OSTN: variants seen among roughly 807,000 people sequenced by gnomAD.
The protein encoded by OSTN is osteocrin.
Under a neutral mutation model 12.0 loss-of-function variants are expected in OSTN, and 9 were observed. The observed-to-expected ratio is 0.75, with a 90% CI of 0.45 to 1.30. The LOEUF is 1.30. Ranked by LOEUF, OSTN falls within the 50% of genes most tolerant of loss-of-function variation. The probability of loss-of-function intolerance (pLI) is 0.00; values close to 1 mark genes in which losing one functional copy is unlikely to be tolerated. For missense variants in OSTN, 148 were observed against 152.3 expected, an observed-to-expected ratio of 0.97 and a Z score of 0.15; for synonymous variants, 59 against 56.9, an observed-to-expected ratio of 1.04 and a Z score of -0.16.
chr3:191,243,827 T>C (rs1715372877), intron 3 of OSTN, among the ~76,000 whole-genome samples: 1 of 152,158 alleles, frequency 6.6e-6, no homozygotes, highest in Non-Finnish European at 1.5e-5. Flanking sequence ...ATAGTCACAA[T>C]GCTGTACATT....
At chr3:191,209,597 G>A (rs747821720) in intron 1 of OSTN, among the ~76,000 whole-genome samples, 9 of 152,176 alleles carry the variant, frequency 5.9e-5, no homozygotes, top group Non-Finnish European at 1.3e-4. Flanking sequence ...AACATTGCAT[G>A]TCAAAATTAT....
chr3:191,254,022 G>GA (rs1409851169), intron 4 of OSTN, among the ~76,000 whole-genome samples: 1 of 152,126 alleles, frequency 6.6e-6, no homozygotes, highest in Admixed American at 6.5e-5. Context: ...GGGATAAACA[G>GA]AAAAAAGTAA....
intron 1 of OSTN, among the ~76,000 whole-genome samples, chr3:191,208,176 C>T (rs1489471999): frequency 6.6e-6 from 1 of 152,142 alleles, no homozygotes; most frequent in East Asian, 1.9e-4. Context: ...TACTTTGGTG[C>T]ATTCACGCAA....
chr3:191,238,394 C>T (rs1715248894), intron 3 of OSTN, among the ~76,000 whole-genome samples: 2 of 152,086 alleles, frequency 1.3e-5, no homozygotes, highest in Non-Finnish European at 2.9e-5. Flanking sequence ...TTGTGAGGCT[C>T]TGATTAGCCT....
Position 191,265,183 on chromosome 3 carries a change from G to A in OSTN, c.*2330G>A, listed in dbSNP as rs1296541529. ...AAGTCATCTCACTTATTTATCCAAT[G>A]CATTAGGTATTACTAATCCAACTAT... On this transcript the variant is annotated 3_prime_UTR_variant, in exon 5 of 5. Coordinates refer to ENST00000682035, the MANE Select transcript of OSTN (RefSeq NM_198184.2). The A allele has an allele frequency of 6.6e-6, 1 of 152,076 alleles. No individual in the cohort carries two copies. Among genetic ancestry groups the A allele is most frequent in the Non-Finnish European group, 1.5e-5 (1 of 67,988 alleles). 9.4% of individuals were successfully genotyped at this position (152,076 alleles called of 1,614,324 possible).
At position 191,221,075 on chromosome 3, in the gene OSTN, T is replaced by C. The variant is rs1714750184; in HGVS notation, c.317+2114T>C. Reference sequence around the variant, plus strand: ...ATAGTCAGTGAGTTCTCACGAGATCTGATGGCTTTATAAGAGGCGTTCTCC... The same window carrying C: ...ATAGTCAGTGAGTTCTCACGAGATCCGATGGCTTTATAAGAGGCGTTCTCC... On this transcript the variant is annotated intron_variant, in intron 3 of 4. Coordinates refer to ENST00000682035, the MANE Select transcript of OSTN (RefSeq NM_198184.2). Among the ~76,000 whole-genome samples, 3 of 152,296 alleles carry C rather than the reference T, an allele frequency of 2.0e-5. 1 individual carries two copies. Among genetic ancestry groups the C allele is most frequent in the South Asian group, 4.1e-4 (2 of 4,826 alleles).
intron 3 of OSTN, among the ~76,000 whole-genome samples, chr3:191,224,160 C>T (rs1475560196): frequency 1.3e-5 from 2 of 151,946 alleles, no homozygotes; most frequent in Non-Finnish European, 2.9e-5. Flanking sequence ...GGCAGATCAC[C>T]TGAGGTCGGG....
intron 1 of OSTN, among the ~76,000 whole-genome samples, chr3:191,209,678 T>G (rs1714369429): frequency 6.6e-6 from 1 of 152,234 alleles, no homozygotes; most frequent in South Asian, 2.1e-4. Context: ...CTGACATAGT[T>G]AATACAAATA....
At chr3:191,241,331 C>G (rs1214903730) in intron 3 of OSTN, among the ~76,000 whole-genome samples, 1 of 151,786 alleles carries the variant, frequency 6.6e-6, no homozygotes, top group Non-Finnish European at 1.5e-5. Flanking sequence ...TACAGGCGCT[C>G]GCCAGCACGC....
intron 4 of OSTN, among the ~76,000 whole-genome samples, chr3:191,251,264 T>C (rs1468605378): frequency 2.0e-5 from 3 of 152,246 alleles, no homozygotes; most frequent in African/African-American, 7.2e-5. Flanking sequence ...TGAGTGGGTA[T>C]GTTAAACACA....
intron 3 of OSTN, among the ~76,000 whole-genome samples, chr3:191,230,562 CAAAAA>C (rs35542147): frequency 1.1e-4 from 4 of 36,446 alleles, no homozygotes; most frequent in African/African-American, 3.0e-4. Context: ...GACTCCGTCT[CAAAAA>C]AAAAAAAAAA....
chr3:191,237,850 G>A (rs1028614551), intron 3 of OSTN, among the ~76,000 whole-genome samples: 1 of 152,120 alleles, frequency 6.6e-6, no homozygotes. Context: ...GGTGGGATGT[G>A]GGGGCCCTCT....
chr3:191,237,327 T>C (rs1369490169), intron 3 of OSTN, among the ~76,000 whole-genome samples: 1 of 152,234 alleles, frequency 6.6e-6, no homozygotes, highest in East Asian at 1.9e-4. Context: ...ATCCATGATA[T>C]ATGGATTTCT....
intron 4 of OSTN, among the ~76,000 whole-genome samples, 157 bp downstream of exon 4, chr3:191,250,290 A>G (rs933172837): frequency 1.3e-5 from 2 of 152,182 alleles, no homozygotes; most frequent in African/African-American, 2.4e-5. Context: ...AGTATAGTAT[A>G]TTAATGTTAA....
intron 1 of OSTN, among the ~76,000 whole-genome samples, chr3:191,206,140 C>A (rs924766229): frequency 6.6e-6 from 1 of 150,946 alleles, no homozygotes; most frequent in African/African-American, 2.4e-5. Context: ...GAGCCAAGAT[C>A]GTGCCACTGC....
intron 3 of OSTN, among the ~76,000 whole-genome samples, chr3:191,224,213 A>G (rs867662216): frequency 6.6e-6 from 1 of 151,998 alleles, no homozygotes; most frequent in African/African-American, 2.4e-5. Context: ...CCCCGTCTCT[A>G]CTAAGAATAC....
intron 3 of OSTN, among the ~76,000 whole-genome samples, chr3:191,244,312 C>T (rs1389486221): frequency 6.6e-6 from 1 of 151,934 alleles, no homozygotes; most frequent in Non-Finnish European, 1.5e-5. Context: ...AATAAACAAT[C>T]TAATCATTGT....
intron 3 of OSTN, among the ~76,000 whole-genome samples, chr3:191,229,063 T>C (rs1024611908): frequency 2.6e-5 from 4 of 152,160 alleles, no homozygotes; most frequent in African/African-American, 7.2e-5. Flanking sequence ...TCAGGAAATG[T>C]GAAAGACAGA....
Position 191,250,116 on chromosome 3 carries a change from G to A in OSTN, c.397G>A (p.Gly133Ser), listed in dbSNP as rs770293345. The change falls in exon 4 of 5, where the codon GGC (glycine) becomes AGC (serine). Residue 133 changes from glycine to serine, a missense_variant. Transcript: ENST00000682035. ...IGRNRLSNSR[G>S] ...TAGAAACCGGCTTTCAAATTCCAGAGGCTAATTGATTCCAATTGTGAGTAC... is the reference window on the plus strand; with the variant it reads ...TAGAAACCGGCTTTCAAATTCCAGAAGCTAATTGATTCCAATTGTGAGTAC... 2 of 1,608,302 alleles carry A rather than the reference G, an allele frequency of 1.2e-6. No homozygotes were observed. The highest frequency in any genetic ancestry group is 1.1e-5 in the South Asian group (1 of 90,952).
Sources: allele counts gnomAD v4.1 joint callset (sites outside exome capture counted in the v4.1 genomes callset), GRCh38; gene constraint gnomAD v4.1.1; transcripts MANE v1.5; gene names NCBI Gene and HGNC (gene_info 2026-07-23, HGNC 2026-07-21).